ADAM2: variants seen among roughly 807,000 people sequenced by gnomAD.
ADAM2 encodes disintegrin and metalloproteinase domain-containing protein 2.
ADAM2 carries 101 observed loss-of-function variants against 99.3 expected under a neutral mutation model. The ratio of observed to expected loss-of-function variants is 1.02; its 90% CI spans 0.87 to 1.20. The LOEUF is 1.20. Among genes scored for constraint, ADAM2 ranks in the 50% most tolerant of loss-of-function variants. The pLI is 0.00. For missense variants in ADAM2, 948 were observed against 878.7 expected, an observed-to-expected ratio of 1.08 and a Z score of -1.00; for synonymous variants, 323 against 287.6, an observed-to-expected ratio of 1.12 and a Z score of -1.25.
intron 17 of ADAM2, 68 bp downstream of exon 17, chr8:39,749,599 G>GTGTA: frequency 7.0e-7 from 1 of 1,418,790 alleles, no homozygotes. Flanking sequence ...GTGTGTGTGT[G>GTGTA]TAGCAATGCA....
rs1255884130 is a variant in ADAM2 at position 39,777,028 on chromosome 8, G to A, written c.1025C>T (p.Ala342Val). The A allele has an allele frequency of 2.6e-6, 4 of 1,558,616 alleles. No homozygotes were observed. The highest frequency in any genetic ancestry group is 3.5e-6 in the Non-Finnish European group (4 of 1,132,352). ...GTATAAAAGTCAGAAATCTTACATT[G>A]CTTCTGGATTCATAATGCAGACAGC... The part of the protein sequence containing the change: ...SGAVCIMNPE[A>V]IHFSGVKIFS... The change falls in exon 11 of 21, where the codon GCA (alanine) becomes GTA (valine). Residue 342 changes from alanine (A) to valine (V), a missense_variant. Coordinates refer to ENST00000265708, the MANE Select transcript of ADAM2 (RefSeq NM_001464.5).
chr8:39,823,591 G>A (rs753020408), intron 4 of ADAM2, among the ~76,000 whole-genome samples: 8 of 151,724 alleles, frequency 5.3e-5, no homozygotes, highest in Non-Finnish European at 8.8e-5. Context: ...AGGAAGCAGA[G>A]TTATGTATGG....
intron 20 of ADAM2, 104 bp downstream of exon 20, chr8:39,744,726 A>T: frequency 1.4e-6 from 1 of 693,428 alleles, no homozygotes; most frequent in Non-Finnish European, 2.4e-6. Context: ...AGGTGCAGCA[A>T]ACCACCATGG....
At chr8:39,808,439 G>A (rs1804540860) in intron 7 of ADAM2, among the ~76,000 whole-genome samples, 1 of 152,088 alleles carries the variant, frequency 6.6e-6, no homozygotes, top group South Asian at 2.1e-4. Flanking sequence ...TCTAAATAAT[G>A]GGGTGGATAT....
chr8:39,746,533 TAGCA>T lies in ADAM2; in HGVS notation c.2109_2112del (p.Ala704Ter). The T allele has an allele frequency of 6.2e-7, 1 of 1,604,918 alleles. No individual in the cohort carries two copies. The highest frequency in any genetic ancestry group is 8.5e-7 in the Non-Finnish European group (1 of 1,175,878). On this transcript the variant is annotated frameshift_variant, in exon 19 of 21. Transcript: ENST00000265708. LOFTEE classifies it high-confidence loss of function. ...CTTTGGAAATTAACTTTCACCATTA[TAGCA>T]ATCAGTACACAGAAAATAATAAAGA...
intron 1 of ADAM2, among the ~76,000 whole-genome samples, chr8:39,837,425 G>A (rs1230957430): frequency 1.3e-5 from 2 of 150,442 alleles, no homozygotes; most frequent in African/African-American, 4.9e-5. Context: ...CTGTCGCCCA[G>A]GCCCAGGCTG....
rs755354734 is a variant in ADAM2 at position 39,777,178 on chromosome 8, G to A, written c.892-17C>T. 3.8e-6 allele frequency: 6 copies of A among 1,588,922 alleles called. No individual in the cohort carries two copies. Among genetic ancestry groups the A allele is most frequent in the African/African-American group, 2.7e-5 (2 of 73,440 alleles). On this transcript the variant is annotated splice_polypyrimidine_tract_variant and intron_variant, in intron 10 of 20. Transcript: ENST00000265708. Reference sequence around the variant, plus strand: ...TCTGGGGTGCTGAGAAAAAAAAATAGATGTACACGTTTTGGGAGATTATTT... The same window carrying A: ...TCTGGGGTGCTGAGAAAAAAAAATAAATGTACACGTTTTGGGAGATTATTT...
chr8:39,766,932 G>T lies in ADAM2; in HGVS notation c.1423C>A (p.His475Asn). The T allele has an allele frequency of 6.2e-7, 1 of 1,614,096 alleles. No individual in the cohort carries two copies. The highest frequency in any genetic ancestry group is 8.5e-7 in the Non-Finnish European group (1 of 1,179,982). ...CPENHYVQTG[H>N]PCGLNQWICI... The stretch of plus-strand genomic sequence containing the variant: ...ATCCATTGATTCAGTCCACACGGAT[G>T]CCCAGTCTGAACATAGTGGTTTTCT... The change falls in exon 14 of 21, where the codon CAT (histidine) becomes AAT (asparagine). Residue 475 changes from histidine (H) to asparagine (N), a missense_variant. Transcript: ENST00000265708.
intron 11 of ADAM2, among the ~76,000 whole-genome samples, 153 bp downstream of exon 11, chr8:39,776,872 A>T (rs1475797926): frequency 6.6e-6 from 1 of 152,130 alleles, no homozygotes; most frequent in African/African-American, 2.4e-5. Context: ...TGAGATAAAT[A>T]TGCATCGTGG....
chr8:39,761,602 A>G (rs1802373098), intron 14 of ADAM2, among the ~76,000 whole-genome samples: 1 of 152,194 alleles, frequency 6.6e-6, no homozygotes, highest in African/African-American at 2.4e-5. Flanking sequence ...TTTTCACATA[A>G]TTGACTTATT....
chr8:39,790,151 T>C (rs1396159623), intron 7 of ADAM2, among the ~76,000 whole-genome samples: 1 of 151,910 alleles, frequency 6.6e-6, no homozygotes, highest in Non-Finnish European at 1.5e-5. Flanking sequence ...GGAGTTATCT[T>C]ATAATCCAAA....
intron 19 of ADAM2, among the ~76,000 whole-genome samples, chr8:39,745,843 AAAT>A (rs1169989235): frequency 1.9e-4 from 29 of 152,244 alleles, no homozygotes; most frequent in African/African-American, 5.8e-4. Context: ...TAACAAGATC[AAAT>A]AATAAAAGAA....
intron 2 of ADAM2, among the ~76,000 whole-genome samples, chr8:39,834,269 TTC>T (rs1805729327): frequency 6.6e-6 from 1 of 152,194 alleles, no homozygotes; most frequent in Non-Finnish European, 1.5e-5. Flanking sequence ...CTTTATTGAA[TTC>T]TGTTTGATCT....
At chr8:39,826,304 G>C (rs1805396319) in intron 3 of ADAM2, among the ~76,000 whole-genome samples, 1 of 152,144 alleles carries the variant, frequency 6.6e-6, no homozygotes, top group African/African-American at 2.4e-5. Flanking sequence ...CAGTCAGTTG[G>C]TGTTTGACAA....
chr8:39,746,965 T>A (rs1031381771), intron 18 of ADAM2, among the ~76,000 whole-genome samples: 14 of 152,192 alleles, frequency 9.2e-5, no homozygotes, highest in African/African-American at 3.1e-4. Context: ...ATACAATGAG[T>A]TGACAGGAAC....
Position 39,815,825 on chromosome 8 carries a change from G to A in ADAM2, c.513+5177C>T, listed in dbSNP as rs373703783. ...GATATGAATTATTTAAAACAATAAT[G>A]TGAGTAATAACAGTAGTAGTCCTAT... On this transcript the variant is annotated intron_variant, in intron 6 of 20. Transcript: ENST00000265708. Among the ~76,000 whole-genome samples the A allele has an allele frequency of 2.0e-5, 3 of 152,300 alleles. No homozygotes were observed. In the East Asian group the frequency reaches 5.8e-4, roughly 29 times the overall value.
intron 16 of ADAM2, among the ~76,000 whole-genome samples, chr8:39,755,165 T>A (rs1354331276): frequency 6.6e-6 from 1 of 152,196 alleles, no homozygotes; most frequent in African/African-American, 2.4e-5. Context: ...ATGAGATATT[T>A]AATAAAATAC....
intron 18 of ADAM2, among the ~76,000 whole-genome samples, chr8:39,748,375 G>A (rs1451884046): frequency 1.3e-5 from 2 of 152,094 alleles, no homozygotes; most frequent in Admixed American, 1.3e-4. Context: ...GCAGCCAATG[G>A]GAAGATAAGC....
chr8:39,754,122 G>A (rs1037601057), intron 16 of ADAM2, among the ~76,000 whole-genome samples: 5 of 152,054 alleles, frequency 3.3e-5, no homozygotes, highest in Non-Finnish European at 7.4e-5. Flanking sequence ...TCCCATCCTC[G>A]TCCTAGTGTT....
Sources: gnomAD v4.1 joint callset for allele counts (sites outside exome capture counted in the v4.1 genomes callset) on GRCh38, gnomAD v4.1.1 for gene constraint, MANE v1.5 for transcripts, NCBI Gene and HGNC (gene_info 2026-07-23, HGNC 2026-07-21) for gene names.